The following THRB variants were observed in gnomAD, a reference collection of about 807,000 sequenced individuals.
The protein encoded by THRB is thyroid hormone receptor beta.
THRB carries 12 observed loss-of-function variants against 47.8 expected under a neutral mutation model. The observed-to-expected ratio is 0.25, with a 90% CI of 0.16 to 0.41. The LOEUF (loss-of-function observed/expected upper bound fraction) is 0.41. Ranked by LOEUF, THRB falls within the 10% of genes least tolerant of loss-of-function variation. THRB has a pLI of 1.00. For missense variants in THRB, 348 were observed against 589.2 expected (o/e 0.59, Z 4.24); for synonymous variants, 218 against 212.2 (o/e 1.03, Z -0.24).
intron 1 of THRB, chr3:24,430,078 C>T (rs2070212577): frequency 6.6e-6 from 1 of 152,022 alleles, no homozygotes; most frequent in East Asian, 1.9e-4. Flanking sequence ...CATGTACTAG[C>T]AAGTGCTATA....
At chr3:24,130,168 C>A (rs2033621776) in intron 9 of THRB, among the ~76,000 whole-genome samples, 2 of 152,112 alleles carry the variant, frequency 1.3e-5, no homozygotes, top group South Asian at 2.1e-4. Flanking sequence ...CATCCCGCCA[C>A]CATTGTCTTT....
At chr3:24,330,151 A>G (rs2149367458) in intron 2 of THRB, among the ~76,000 whole-genome samples, 1 of 117,738 alleles carries the variant, frequency 8.5e-6, no homozygotes, top group East Asian at 3.8e-4. Flanking sequence ...TAAAAATACA[A>G]AAAAAATTAG....
Position 24,284,381 on chromosome 3 carries a change from T to G in THRB, c.-43+12845A>C, listed in dbSNP as rs911818781. On this transcript the variant is annotated intron_variant, in intron 3 of 10. Coordinates refer to ENST00000646209, the MANE Select transcript of THRB (RefSeq NM_001354712.2). ...GCTGGGAAAACTGGCTAGCCATATG[T>G]AGAAAGCTGAAACTGGATCCCTTCC... 5.3e-5 allele frequency among the ~76,000 whole-genome samples: 8 copies of G among 150,492 alleles called. No homozygotes were observed. The South Asian group carries it at 1.0e-3, about 20-fold the overall frequency.
rs2031386646 is a variant in THRB at position 24,120,020 on chromosome 3, C to A, written c.*2864G>T. The A allele has an allele frequency of 6.6e-6, 1 of 152,138 alleles. No individual in the cohort carries two copies. Among genetic ancestry groups the A allele is most frequent in the Non-Finnish European group, 1.5e-5 (1 of 68,030 alleles). 9.4% of individuals were successfully genotyped at this position (152,138 alleles called of 1,614,324 possible). On this transcript the variant is annotated 3_prime_UTR_variant, in exon 11 of 11. Transcript: ENST00000646209. The stretch of plus-strand genomic sequence containing the variant: ...GTGGGAGCGCAGGTGTGAAGGGTAT[C>A]TCCATCAGGTCCACACTGGATTTGC...
At chr3:24,241,038 AG>A (rs1367326386) in intron 3 of THRB, among the ~76,000 whole-genome samples, 1 of 152,144 alleles carries the variant, frequency 6.6e-6, no homozygotes, top group Non-Finnish European at 1.5e-5. Context: ...GTGCCCACTG[AG>A]GGCCACTTGC....
At chr3:24,138,112 T>C (rs1404630459) in intron 8 of THRB, among the ~76,000 whole-genome samples, 1 of 152,080 alleles carries the variant, frequency 6.6e-6, no homozygotes, top group African/African-American at 2.4e-5. Flanking sequence ...ATTTCATTAG[T>C]ATTGTTCAAG....
At chr3:24,177,102 G>A (rs1228886444) in intron 5 of THRB, among the ~76,000 whole-genome samples, 2 of 152,070 alleles carry the variant, frequency 1.3e-5, no homozygotes, top group Non-Finnish European at 2.9e-5. Context: ...ACTATAGAAG[G>A]AAGACCTGGC....
chr3:24,196,009 C>A (rs2043913636), intron 4 of THRB, among the ~76,000 whole-genome samples: 1 of 152,222 alleles, frequency 6.6e-6, no homozygotes, highest in Non-Finnish European at 1.5e-5. Flanking sequence ...GTGGTCATTA[C>A]TGTGTCTCTA....
chr3:24,471,507 T>A (rs1194374743), intron 1 of THRB, among the ~76,000 whole-genome samples: 1 of 152,212 alleles, frequency 6.6e-6, no homozygotes, highest in Non-Finnish European at 1.5e-5. Context: ...TTTTCAGGCC[T>A]TCTTGATTTG....
chr3:24,250,615 CCCTTGAG>C (rs2050569342), intron 3 of THRB, among the ~76,000 whole-genome samples: 1 of 152,096 alleles, frequency 6.6e-6, no homozygotes, highest in Non-Finnish European at 1.5e-5. Context: ...GTGAGAGGAT[CCCTTGAG>C]CCTTGGCGTT....
intron 1 of THRB, among the ~76,000 whole-genome samples, chr3:24,344,687 A>AT (rs1491306928): frequency 1.2e-5 from 1 of 82,952 alleles, no homozygotes; most frequent in Non-Finnish European, 2.2e-5. Flanking sequence ...ATATGTAGGG[A>AT]TATATATATA....
chr3:24,298,461 G>A (rs2056631116), intron 2 of THRB, among the ~76,000 whole-genome samples: 1 of 152,156 alleles, frequency 6.6e-6, no homozygotes, highest in African/African-American at 2.4e-5. Flanking sequence ...TAATTAAGAG[G>A]CCAATAGTAT....
chr3:24,161,039 G>A (rs2038729464), intron 5 of THRB, among the ~76,000 whole-genome samples: 1 of 152,246 alleles, frequency 6.6e-6, no homozygotes, highest in Non-Finnish European at 1.5e-5. Context: ...GGAAAGAAAA[G>A]GAAAGAGCTC....
chr3:24,299,766 C>T (rs78220088), intron 2 of THRB, among the ~76,000 whole-genome samples: 33 of 58,542 alleles, frequency 5.6e-4, no homozygotes, highest in South Asian at 1.4e-3. Flanking sequence ...GGGAAGTATG[C>T]TTTTTTATTT....
intron 4 of THRB, among the ~76,000 whole-genome samples, chr3:24,198,441 T>C (rs1470584643): frequency 2.7e-5 from 2 of 73,310 alleles, no homozygotes; most frequent in Non-Finnish European, 5.3e-5. Context: ...GTGTTCAAAG[T>C]GTCTCCCCCC....
intron 4 of THRB, among the ~76,000 whole-genome samples, chr3:24,198,672 A>G (rs1415619620): frequency 2.0e-5 from 3 of 151,786 alleles, no homozygotes; most frequent in African/African-American, 7.3e-5. Context: ...TTTAAAATAC[A>G]TTTCTTATTT....
chr3:24,242,362 C>T (rs1327434648), intron 3 of THRB, among the ~76,000 whole-genome samples: 5 of 152,076 alleles, frequency 3.3e-5, no homozygotes, highest in African/African-American at 1.2e-4. Flanking sequence ...GATTCATGTT[C>T]GGCTCACGGC....
intron 4 of THRB, among the ~76,000 whole-genome samples, chr3:24,214,283 T>C (rs1343171359): frequency 2.6e-5 from 4 of 152,188 alleles, no homozygotes; most frequent in African/African-American, 7.2e-5. Flanking sequence ...CAAGATGGTA[T>C]GTACTTTGGT....
chr3:24,373,001 C>T (rs1341874771), intron 1 of THRB, among the ~76,000 whole-genome samples: 1 of 152,056 alleles, frequency 6.6e-6, no homozygotes, highest in Non-Finnish European at 1.5e-5. Flanking sequence ...GGCCGAGGGG[C>T]CTAGCAACAT....
Sources: allele counts gnomAD v4.1 joint callset (sites outside exome capture counted in the v4.1 genomes callset), GRCh38; gene constraint gnomAD v4.1.1; transcripts MANE v1.5; gene names NCBI Gene and HGNC (gene_info 2026-07-23, HGNC 2026-07-21).